The following MBD3L1 variants were observed in gnomAD, a reference collection of about 807,000 sequenced individuals.
MBD3L1 encodes methyl-CpG binding domain protein 3 like 1, also known as methyl-CpG-binding domain protein 3-like 1.
For missense variants in MBD3L1, 203 were observed against 230.1 expected, an observed-to-expected ratio of 0.88 and a Z score of 0.76; for synonymous variants, 84 against 85.1, an observed-to-expected ratio of 0.99 and a Z score of 0.07.
Position 8,843,029 on chromosome 19 carries a change from C to T in MBD3L1, c.351C>T (p.Cys117=). 5 of 1,614,130 alleles carry T rather than the reference C, an allele frequency of 3.1e-6. No individual in the cohort carries two copies. The highest frequency in any genetic ancestry group is 4.2e-6 in the Non-Finnish European group (5 of 1,179,986). Residue 117 remains cysteine (C), a synonymous_variant, in exon 3 of 3, where the codon TGC becomes TGT. Coordinates refer to ENST00000595891, the MANE Select transcript of MBD3L1 (RefSeq NM_001393532.1). ...EDLASGLEHS[C]PMPHLACSSD... is the part of the protein sequence containing the mutation. ...TTGCCAGTGGTCTGGAGCACTCCTG[C>T]CCCATGCCCCACCTTGCCTGCTCTT...
intron 2 of MBD3L1, among the ~76,000 whole-genome samples, chr19:8,841,649 C>T (rs192741276): frequency 4.8e-4 from 73 of 152,006 alleles, no homozygotes; most frequent in African/African-American, 1.7e-3. Context: ...CTCCAGCTCC[C>T]GGGTTCAAGC....
intron 1 of MBD3L1, chr19:8,833,011 A>G (rs10407086): frequency 0.016 from 2,334 of 143,826 alleles, 66 homozygotes; most frequent in African/African-American, 0.059. Context: ...GTGGGCGGAG[A>G]CCAGTTCTGG....
intron 1 of MBD3L1, among the ~76,000 whole-genome samples, chr19:8,838,184 G>A (rs2145348036): frequency 7.0e-6 from 1 of 141,862 alleles, no homozygotes; most frequent in African/African-American, 2.6e-5. Flanking sequence ...GGAGGCAGAG[G>A]TTGCAGTGAG....
intron 1 of MBD3L1, among the ~76,000 whole-genome samples, chr19:8,834,004 CAAA>C (rs1369326589): frequency 1.5e-5 from 2 of 137,914 alleles, no homozygotes; most frequent in African/African-American, 5.0e-5. Context: ...CAAAACAAAA[CAAA>C]AACCAAAAAC....
In MBD3L1 at chr19:8,842,859, A is replaced by T; in HGVS notation, c.181A>T (p.Lys61Ter). The T allele has an allele frequency of 6.2e-7, 1 of 1,614,088 alleles. No individual in the cohort carries two copies. Among genetic ancestry groups the T allele is most frequent in the Non-Finnish European group, 8.5e-7 (1 of 1,180,036 alleles). Residue 61 changes from lysine to a stop codon, truncating the protein, a stop_gained, in exon 3 of 3, where the codon AAG becomes TAG. Coordinates refer to ENST00000595891, the MANE Select transcript of MBD3L1 (RefSeq NM_001393532.1). LOFTEE classifies it low-confidence loss of function (END_TRUNC). Reference sequence around the variant, plus strand: ...CCATCAATGGGAGGAGAGCTTGGAGAAGCCTCAGCAGGTCTGCTGGCAGAG... The same window carrying T: ...CCATCAATGGGAGGAGAGCTTGGAGTAGCCTCAGCAGGTCTGCTGGCAGAG... ...RYHQWEESLEKPQQVCWQRRL... is the reference protein window; with the variant it reads ...RYHQWEESLE
chr19:8,843,183 G>C lies in MBD3L1; in HGVS notation c.505G>C (p.Ala169Pro), dbSNP rs761880439. Residue 169 changes from alanine to proline, a missense_variant, in exon 3 of 3, where the codon GCA (alanine) becomes CCA (proline). Ala to Pro is a conservative substitution (Grantham distance 27, BLOSUM62 -1). Coordinates refer to ENST00000595891, the MANE Select transcript of MBD3L1 (RefSeq NM_001393532.1). The part of the protein sequence containing the change: ...GKVKTVRERL[A>P]IALIADGLAN... Reference sequence around the variant, plus strand: ...AGTGAAGACAGTCAGAGAGAGACTCGCAATAGCACTGATTGCGGATGGACT... The same window carrying C: ...AGTGAAGACAGTCAGAGAGAGACTCCCAATAGCACTGATTGCGGATGGACT... The C allele has an allele frequency of 6.2e-7, 1 of 1,613,402 alleles. No homozygotes were observed. Among genetic ancestry groups the C allele is most frequent in the African/African-American group, 1.3e-5 (1 of 74,896 alleles).
At chr19:8,833,630 T>G (rs1021271670) in intron 1 of MBD3L1, 1 of 152,196 alleles carries the variant, frequency 6.6e-6, no homozygotes, top group Non-Finnish European at 1.5e-5. Flanking sequence ...TAGTTGTGAG[T>G]TGGGCAGGAG....
intron 2 of MBD3L1, among the ~76,000 whole-genome samples, chr19:8,841,681 C>T (rs1298496889): frequency 1.3e-5 from 2 of 152,068 alleles, no homozygotes; most frequent in Admixed American, 6.5e-5. Flanking sequence ...CTCAGCCTCC[C>T]GAGTAGCTGG....
rs1402815695 is a variant in MBD3L1 at position 8,832,393 on chromosome 19, T to C, written c.-236T>C. On this transcript the variant is annotated 5_prime_UTR_variant, in exon 1 of 3. Coordinates refer to ENST00000595891, the MANE Select transcript of MBD3L1 (RefSeq NM_001393532.1). ...GGCAGCCTCGCAGAGTCGAGCGTGT[T>C]GGGGGTTCGGCGCTTAGGCGACAGG... The C allele has an allele frequency of 1.3e-5, 2 of 152,868 alleles. No individual in the cohort carries two copies. The highest frequency in any genetic ancestry group is 3.8e-4 in the East Asian group (2 of 5,204). 9.5% of individuals were successfully genotyped at this position (152,868 alleles called of 1,614,324 possible).
At chr19:8,842,067 C>T (rs538390852) in intron 2 of MBD3L1, among the ~76,000 whole-genome samples, 1 of 152,168 alleles carries the variant, frequency 6.6e-6, no homozygotes, top group East Asian at 1.9e-4. Flanking sequence ...GTCGCCCATG[C>T]CTGTAATCCC....
At chr19:8,837,163 A>G (rs1181366530) in intron 1 of MBD3L1, among the ~76,000 whole-genome samples, 1 of 152,216 alleles carries the variant, frequency 6.6e-6, no homozygotes, top group East Asian at 1.9e-4. Context: ...CCAGTTTCTC[A>G]GCAGGTACTT....
chr19:8,842,689 G>A lies in MBD3L1; in HGVS notation c.11G>A (p.Ser4Asn). The change falls in exon 3 of 3, where the codon AGT becomes AAT. Residue 4 changes from serine to asparagine, a missense_variant. Physicochemically the swap from Ser to Asn is conservative, Grantham distance 46. Transcript: ENST00000595891. MAK[S>N]SQRKQRDCVN... is the part of the protein sequence containing the mutation. ...AGGAAAAGAAGTGTGATGGCCAAGAGTTCACAGAGGAAGCAACGTGACTGT... is the reference window on the plus strand; with the variant it reads ...AGGAAAAGAAGTGTGATGGCCAAGAATTCACAGAGGAAGCAACGTGACTGT... 6.2e-7 allele frequency: 1 copy of A among 1,613,604 alleles called. No homozygotes were observed. Among genetic ancestry groups the A allele is most frequent in the Non-Finnish European group, 8.5e-7 (1 of 1,179,612 alleles).
intron 1 of MBD3L1, among the ~76,000 whole-genome samples, chr19:8,837,021 C>G (rs2044463064): frequency 6.6e-6 from 1 of 152,166 alleles, no homozygotes; most frequent in Non-Finnish European, 1.5e-5. Context: ...CTCTAATTAG[C>G]AAAGAGGCAT....
chr19:8,838,110 T>TGG (rs1016152629), intron 1 of MBD3L1, among the ~76,000 whole-genome samples: 2 of 151,212 alleles, frequency 1.3e-5, no homozygotes, highest in African/African-American at 2.4e-5. Context: ...AAGCTGGGCG[T>TGG]GGTGGTGCAC....
In MBD3L1 at chr19:8,838,252, C is replaced by CAAAAAAAAAAAAAAAAAAAAAAAAAAAAA. The variant is rs542318207; in HGVS notation, c.-106-2660_-106-2632dup. Among the ~76,000 whole-genome samples, 2 of 11,832 alleles carry CAAAAAAAAAAAAAAAAAAAAAAAAAAAAA rather than the reference C, an allele frequency of 1.7e-4. 1 individual carries two copies. 7.8% of individuals were successfully genotyped at this position (11,832 alleles called of 152,430 possible). A position where few individuals can be genotyped will look rare whatever the true frequency, so the allele number is the denominator to read the frequency against. On this transcript the variant is annotated intron_variant, in intron 1 of 2. Transcript: ENST00000595891. ...TGGACGACAGAGCAAGACTCCATCT[C>CAAAAAAAAAAAAAAAAAAAAAAAAAAAAA]AAAAAAAAAAAAAAAAAAAAAAAAA... is the stretch of plus-strand genomic sequence containing the variant.
intron 1 of MBD3L1, among the ~76,000 whole-genome samples, 192 bp from the exon 2 acceptor site, chr19:8,840,723 A>G (rs1311033324): frequency 1.3e-5 from 2 of 152,258 alleles, no homozygotes; most frequent in African/African-American, 4.8e-5. Context: ...GGAGAATTAA[A>G]TATCTATGAG....
chr19:8,836,025 G>C (rs1018306451), intron 1 of MBD3L1, among the ~76,000 whole-genome samples: 1 of 152,172 alleles, frequency 6.6e-6, no homozygotes, highest in Non-Finnish European at 1.5e-5. Flanking sequence ...GGGGAAGTGG[G>C]TAATGGTATG....
At chr19:8,836,547 A>C (rs1466388201) in intron 1 of MBD3L1, among the ~76,000 whole-genome samples, 1 of 150,454 alleles carries the variant, frequency 6.6e-6, no homozygotes, top group Non-Finnish European at 1.5e-5. Flanking sequence ...GCTGGAGTGC[A>C]GTGGTGCAAA....
At chr19:8,838,894 G>T (rs761386565) in intron 1 of MBD3L1, among the ~76,000 whole-genome samples, 60 of 152,262 alleles carry the variant, frequency 3.9e-4, no homozygotes, top group Non-Finnish European at 6.9e-4. Context: ...GTGTTCCTGG[G>T]ACTATGTGCA....
Sources: gnomAD v4.1 joint callset for allele counts (sites outside exome capture counted in the v4.1 genomes callset) on GRCh38, gnomAD v4.1.1 for gene constraint, MANE v1.5 for transcripts, NCBI Gene and HGNC (gene_info 2026-07-23, HGNC 2026-07-21) for gene names.